The following SWAP70 variants were observed in gnomAD, a reference collection of about 807,000 sequenced individuals.
The protein encoded by SWAP70 is switching B cell complex subunit SWAP70.
A neutral mutation model predicts 80.2 loss-of-function variants in SWAP70; 34 were observed. The observed-to-expected ratio is 0.42, with a 90% CI of 0.32 to 0.56. The LOEUF (loss-of-function observed/expected upper bound fraction) is 0.56. SWAP70 is among the 20% of genes least tolerant of loss of function. SWAP70 has a pLI of 0.09. For missense variants in SWAP70, 578 were observed against 690.7 expected, an observed-to-expected ratio of 0.84 and a Z score of 1.83; for synonymous variants, 239 against 238.5, an observed-to-expected ratio of 1.00 and a Z score of -0.02.
intron 9 of SWAP70, among the ~76,000 whole-genome samples, chr11:9,744,519 G>A (rs966240057): frequency 6.6e-6 from 1 of 152,164 alleles, no homozygotes; most frequent in Non-Finnish European, 1.5e-5. Context: ...CACCCTTTCT[G>A]CTATGAAGTT....
intron 1 of SWAP70, among the ~76,000 whole-genome samples, chr11:9,673,353 A>G (rs1452103240): frequency 1.3e-5 from 2 of 152,208 alleles, no homozygotes; most frequent in Non-Finnish European, 2.9e-5. Context: ...AGATGAAGAG[A>G]GACACAGGGC....
rs1449641482 is a variant in SWAP70, at chr11:9,694,300, C to CT, written c.240+21dup. 5.0e-6 allele frequency: 8 copies of CT among 1,603,572 alleles called. No homozygotes were observed. The highest frequency in any genetic ancestry group is 6.0e-6 in the Non-Finnish European group (7 of 1,175,170). ...ATTTTGGAAAAGGTATGATTCTAAC[C>CT]TTTTTTTGGGTGTAGCATTGTTTGG... On this transcript the variant is annotated intron_variant, in intron 2 of 11. Coordinates refer to ENST00000318950, the MANE Select transcript of SWAP70 (RefSeq NM_015055.4).
intron 1 of SWAP70, among the ~76,000 whole-genome samples, chr11:9,671,745 AATATAAAT>A (rs1240749271): frequency 4.7e-5 from 3 of 64,222 alleles, no homozygotes; most frequent in African/African-American, 1.7e-4. Flanking sequence ...TATACATAGA[AATATAAAT>A]ATATAAATAT....
chr11:9,738,170 C>A (rs1388882296), intron 7 of SWAP70, 43 bp from the exon 8 acceptor site: 1 of 1,473,648 alleles, frequency 6.8e-7, no homozygotes, highest in Non-Finnish European at 9.3e-7. Context: ...TGTACTTCTA[C>A]TCTAACACCT....
rs1851563672 is a variant in SWAP70, at chr11:9,749,949, A to G, written c.1737A>G (p.Lys579=). 1 of 1,613,738 alleles carries G rather than the reference A, an allele frequency of 6.2e-7. No individual in the cohort carries two copies. The highest frequency in any genetic ancestry group is 1.3e-5 in the African/African-American group (1 of 75,050). ...TTGAAGAGAGAGAGAAGAACTGGAA[A>G]GAGAAAAAGACCACGGAGTGACTGA... is the stretch of plus-strand genomic sequence containing the variant. The part of the protein sequence containing the change: ...AELEEREKNW[K]EKKTTE Residue 579 remains lysine, a synonymous_variant, in exon 12 of 12, where the codon AAA becomes AAG. Transcript: ENST00000318950.
At chr11:9,675,089 G>C (rs1255047645) in intron 1 of SWAP70, among the ~76,000 whole-genome samples, 1 of 152,142 alleles carries the variant, frequency 6.6e-6, no homozygotes, top group African/African-American at 2.4e-5. Context: ...CTTGAACCCA[G>C]GAGTTTGAGA....
At chr11:9,744,998 G>A (rs993390769) in intron 9 of SWAP70, among the ~76,000 whole-genome samples, 3 of 152,194 alleles carry the variant, frequency 2.0e-5, no homozygotes, top group Admixed American at 1.3e-4. Context: ...GTAACACCCT[G>A]GAGTACACCT....
At chr11:9,740,008 A>T (rs192397077) in intron 8 of SWAP70, among the ~76,000 whole-genome samples, 173 bp from the exon 9 acceptor site, 14 of 152,258 alleles carry the variant, frequency 9.2e-5, no homozygotes, top group Non-Finnish European at 1.6e-4. Context: ...CACTATTGCG[A>T]TTGGGTGTGG....
intron 2 of SWAP70, chr11:9,703,526 G>A (rs1161265268): frequency 2.2e-6 from 1 of 455,860 alleles, no homozygotes; most frequent in African/African-American, 2.0e-5. Flanking sequence ...CACTTCCTCA[G>A]GGAGGTTTCT....
chr11:9,675,723 CCTTCTCCTG>C (rs1850490940), intron 1 of SWAP70, among the ~76,000 whole-genome samples: 5 of 19,182 alleles, frequency 2.6e-4, no homozygotes, highest in African/African-American at 5.4e-4. Context: ...TTTTCTCCTT[CCTTCTCCTG>C]CATTCCCTGT....
intron 4 of SWAP70, among the ~76,000 whole-genome samples, chr11:9,725,684 G>A (rs12289312): frequency 0.32 from 47,891 of 148,558 alleles, 7,910 homozygotes; most frequent in Non-Finnish European, 0.34. Flanking sequence ...CAATTCTCCC[G>A]CCTCAGCCTT....
rs953410590 is a variant in SWAP70 at position 9,750,553 on chromosome 11, C to T, written c.*583C>T. 1 of 152,318 alleles carries T rather than the reference C, an allele frequency of 6.6e-6. No individual in the cohort carries two copies. The allele number at this position is 152,318 out of a possible 1,614,324, so 9.4% of individuals were successfully genotyped here. A position where few individuals can be genotyped will look rare whatever the true frequency, so the allele number is the denominator to read the frequency against. The stretch of plus-strand genomic sequence containing the variant: ...GAAAACATCACCTTCTGAAATTTGT[C>T]TTTTAGCTCTCTCAGATTCTTCCCC... On this transcript the variant is annotated 3_prime_UTR_variant, in exon 12 of 12. Transcript: ENST00000318950.
chr11:9,701,505 G>A (rs1024449073), intron 2 of SWAP70, among the ~76,000 whole-genome samples: 1 of 151,656 alleles, frequency 6.6e-6, no homozygotes, highest in East Asian at 1.9e-4. Flanking sequence ...CTTCTTGGCT[G>A]GGCGTGTTAG....
At chr11:9,737,986 T>C (rs1199706095) in intron 7 of SWAP70, among the ~76,000 whole-genome samples, 1 of 152,280 alleles carries the variant, frequency 6.6e-6, no homozygotes, top group African/African-American at 2.4e-5. Flanking sequence ...TGCAAAATGT[T>C]GTTCAGGCTT....
At position 9,748,056 on chromosome 11, in the gene SWAP70, G is replaced by A. The variant is rs1851535130; in HGVS notation, c.1554G>A (p.Glu518=). The A allele has an allele frequency of 4.3e-6, 7 of 1,613,642 alleles. No individual in the cohort carries two copies. Among genetic ancestry groups the A allele is most frequent in the South Asian group, 1.1e-5 (1 of 91,060 alleles). ...GGAAGCAAGCACTTGAGCAGTACGA[G>A]GTAATGAGACTTGGCCCTGCAAACT... The part of the protein sequence containing the change: ...LERKQALEQY[E]EVKKKLEMAT... Residue 518 remains glutamate (E), a splice_region_variant and synonymous_variant, in exon 10 of 12, where the codon GAG becomes GAA. Transcript: ENST00000318950.
At chr11:9,664,377 C>T (rs912649184) in intron 1 of SWAP70, 99 bp downstream of exon 1, 15 of 1,356,064 alleles carry the variant, frequency 1.1e-5, no homozygotes, top group Non-Finnish European at 1.5e-5. Context: ...GACCGCAGGG[C>T]GGGGCGGGTC....
intron 1 of SWAP70, among the ~76,000 whole-genome samples, chr11:9,669,998 C>T (rs944526725): frequency 2.0e-5 from 3 of 152,012 alleles, no homozygotes; most frequent in Non-Finnish European, 4.4e-5. Flanking sequence ...TGTGGTGGCA[C>T]GCACCTGTAG....
At chr11:9,701,698 T>TTA (rs1036302466) in intron 2 of SWAP70, among the ~76,000 whole-genome samples, 2 of 138,018 alleles carry the variant, frequency 1.4e-5, no homozygotes, top group African/African-American at 5.2e-5. Flanking sequence ...GCTCTTTTTT[T>TTA]TTTTTTTTTT....
intron 4 of SWAP70, among the ~76,000 whole-genome samples, chr11:9,725,565 A>ATT (rs1851209163): frequency 8.1e-4 from 14 of 17,354 alleles, no homozygotes; most frequent in African/African-American, 2.2e-3. Context: ...ATATATATAT[A>ATT]TATATTTTTT....
Sources: gnomAD v4.1 joint callset for allele counts (sites outside exome capture counted in the v4.1 genomes callset) on GRCh38, gnomAD v4.1.1 for gene constraint, MANE v1.5 for transcripts, NCBI Gene and HGNC (gene_info 2026-07-23, HGNC 2026-07-21) for gene names.